The following CIZ1 variants were observed in gnomAD, a reference collection of about 807,000 sequenced individuals.
CIZ1 encodes CDKN1A interacting zinc finger protein 1.
Under a neutral mutation model 118.6 loss-of-function variants are expected in CIZ1, and 58 were observed. That is an observed-to-expected ratio of 0.49 (90% CI 0.40 to 0.61). The LOEUF is 0.61. CIZ1 is among the 20% of genes least tolerant of loss of function. The pLI, the probability that CIZ1 is intolerant of heterozygous loss-of-function variation, is 0.00. For missense variants in CIZ1, 921 were observed against 1,115.9 expected (o/e 0.83, Z 2.49); for synonymous variants, 448 against 443.4 (o/e 1.01, Z -0.13).
Position 128,178,035 on chromosome 9 carries a change from C to T in CIZ1, c.1621-272G>A, listed in dbSNP as rs577184545. 5.9e-5 allele frequency among the ~76,000 whole-genome samples: 9 copies of T among 152,270 alleles called. No individual in the cohort carries two copies. The South Asian group carries it at 6.2e-4, about 11-fold the overall frequency. ...GAGGGAAAGGGTTTGCCCACAGTTA[C>T]GCAGAGCTGGGACCCAAATCCCACA... On this transcript the variant is annotated intron_variant, in intron 9 of 16. Transcript: ENST00000372938.
rs1245713848 is a variant in CIZ1 at position 128,203,455 on chromosome 9, G to A, written c.-6+731C>T. 4 of 1,465,996 alleles carry A rather than the reference G, an allele frequency of 2.7e-6. No homozygotes were observed. Among genetic ancestry groups the A allele is most frequent in the Middle Eastern group, 1.9e-4 (1 of 5,280 alleles). The allele number at this position is 1,465,996 out of a possible 1,614,324, so 90.8% of individuals were successfully genotyped here. A position where few individuals can be genotyped will look rare whatever the true frequency, so the allele number is the denominator to read the frequency against. On this transcript the variant is annotated intron_variant, in intron 1 of 17. Coordinates refer to the CIZ1 transcript ENST00000372948. The surrounding 1 kb of genome is among the most constrained non-coding windows in gnomAD (Gnocchi z 5.3). ...TAGCGGCAGCCGGATCGCAGCCTGC[G>A]GGGCCCGCCGCAGCCATGGGCAACC... is the stretch of plus-strand genomic sequence containing the variant.
Position 128,203,300 on chromosome 9 carries a change from C to T in CIZ1, c.-6+886G>A, listed in dbSNP as rs1171032712. 5 of 402,038 alleles carry T rather than the reference C, an allele frequency of 1.2e-5. No individual in the cohort carries two copies. The highest frequency in any genetic ancestry group is 8.6e-5 in the African/African-American group (4 of 46,630). 24.9% of individuals were successfully genotyped at this position (402,038 alleles called of 1,614,324 possible). On this transcript the variant is annotated intron_variant, in intron 1 of 17. Coordinates refer to the CIZ1 transcript ENST00000372948. This position sits in a 1 kb window ranked among gnomAD's most constrained non-coding sequence, Gnocchi z 5.3. ...CCTGCGCACGGCGGCCGGCCCGCAG[C>T]GCCGCGGGCTCCCCCTAGCGGCGTC...
intron 9 of CIZ1, 148 bp from the exon 10 acceptor site, chr9:128,177,911 T>C: frequency 3.2e-6 from 2 of 619,102 alleles, no homozygotes; most frequent in Non-Finnish European, 5.4e-6. Flanking sequence ...TACCCCAGCT[T>C]GCACAGCTAG....
intron 13 of CIZ1, 54 bp from the exon 14 acceptor site, chr9:128,169,255 A>G: frequency 1.3e-6 from 2 of 1,561,378 alleles, no homozygotes; most frequent in Middle Eastern, 1.7e-4. Flanking sequence ...CCAGGGGGCC[A>G]TGCCCTACCC....
chr9:128,182,612 T>C (rs1201820183), intron 5 of CIZ1, among the ~76,000 whole-genome samples: 1 of 152,102 alleles, frequency 6.6e-6, no homozygotes, highest in African/African-American at 2.4e-5. Context: ...GCCCCGGCCA[T>C]GCCCCCGCAA....
chr9:128,201,975 G>A (rs1049710071), intron 1 of CIZ1, among the ~76,000 whole-genome samples: 2 of 152,030 alleles, frequency 1.3e-5, no homozygotes, highest in African/African-American at 4.8e-5. Flanking sequence ...ACCCTACCCC[G>A]CCCCTGCTTT....
chr9:128,186,165 C>A (rs769944187), intron 4 of CIZ1, among the ~76,000 whole-genome samples: 1 of 152,092 alleles, frequency 6.6e-6, no homozygotes, highest in Non-Finnish European at 1.5e-5. Context: ...CTACCAGCTA[C>A]CCTTTATCAG....
rs556916520 is a variant in CIZ1, at chr9:128,174,085, T to C, written c.1943+2266A>G. Reference sequence around the variant, plus strand: ...AGGGCTTAGTTCACAGCACCTGCCCTGGGGGCTTTGAGGAGGGAGGAGACG... The same window carrying C: ...AGGGCTTAGTTCACAGCACCTGCCCCGGGGGCTTTGAGGAGGGAGGAGACG... On this transcript the variant is annotated intron_variant, in intron 11 of 16. Coordinates refer to ENST00000372938, the MANE Select transcript of CIZ1 (RefSeq NM_001131016.2). Among the ~76,000 whole-genome samples the C allele has an allele frequency of 9.3e-4, 140 of 151,012 alleles. 1 individual carries two copies. The Middle Eastern group carries it at 0.011, about 11-fold the overall frequency.
chr9:128,170,733 T>C (rs1665786220), intron 11 of CIZ1, among the ~76,000 whole-genome samples: 1 of 152,248 alleles, frequency 6.6e-6, no homozygotes, highest in Non-Finnish European at 1.5e-5. Flanking sequence ...GAACAATTTG[T>C]TGTCTACTTG....
chr9:128,201,886 G>C (rs1045880888), intron 1 of CIZ1, among the ~76,000 whole-genome samples: 1 of 152,190 alleles, frequency 6.6e-6, no homozygotes, highest in East Asian at 1.9e-4. Context: ...GAGAGGGCCT[G>C]CTTGTTCCCC....
At position 128,174,020 on chromosome 9, in the gene CIZ1, A is replaced by C. The variant is rs13286886; in HGVS notation, c.1943+2331T>G. ...GACTCCATCTCAAAAACAAAACAAA[A>C]AAACAAAAAAAAAAAACAAAGAAAT... On this transcript the variant is annotated intron_variant, in intron 11 of 16. Transcript: ENST00000372938. Among the ~76,000 whole-genome samples, 117 of 78,464 alleles carry C rather than the reference A, an allele frequency of 1.5e-3. 1 individual carries two copies. In the South Asian group the frequency reaches 0.032, roughly 22 times the overall value. 51.5% of individuals were successfully genotyped at this position (78,464 alleles called of 152,430 possible).
At chr9:128,191,598 G>C, upstream of CIZ1, 1 of 1,182,222 alleles carries the variant, frequency 8.5e-7, no homozygotes, top group Non-Finnish European at 1.0e-6. The surrounding 1 kb of genome is among the most constrained non-coding windows in gnomAD (Gnocchi z 5.5). Context: ...GGGCCGGCCG[G>C]GGCAGCGCCC....
intron 1 of CIZ1, chr9:128,198,024 A>G (rs1040109325): frequency 5.9e-5 from 9 of 152,274 alleles, no homozygotes; most frequent in Non-Finnish European, 8.8e-5. Context: ...CCATGGCACA[A>G]TCAGCACACA....
chr9:128,176,342 C>T lies in CIZ1; in HGVS notation c.1943+9G>A, dbSNP rs965728544. ...CCCCAACACAGAGCTTCCACGATCC[C>T]CCACTCACTCATCCTCTGTCTCCAG... is the stretch of plus-strand genomic sequence containing the variant. On this transcript the variant is annotated intron_variant, in intron 11 of 16. Transcript: ENST00000372938. The T allele has an allele frequency of 6.2e-7, 1 of 1,613,442 alleles. No homozygotes were observed. Among genetic ancestry groups the T allele is most frequent in the Non-Finnish European group, 8.5e-7 (1 of 1,179,660 alleles).
At chr9:128,173,207 C>T (rs540555914) in intron 11 of CIZ1, among the ~76,000 whole-genome samples, 77 of 144,722 alleles carry the variant, frequency 5.3e-4, no homozygotes, top group African/African-American at 1.9e-3. Context: ...TGCAGTGGCG[C>T]GATCTTGGCT....
At chr9:128,183,049 G>A (rs373448250) in intron 5 of CIZ1, among the ~76,000 whole-genome samples, 6 of 152,182 alleles carry the variant, frequency 3.9e-5, no homozygotes, top group African/African-American at 1.2e-4. Context: ...GGAGTCCCCT[G>A]CAGGGGCTTC....
At chr9:128,178,296 G>A in intron 9 of CIZ1, 73 bp downstream of exon 9, 2 of 1,519,144 alleles carry the variant, frequency 1.3e-6, no homozygotes, top group East Asian at 2.3e-5. Flanking sequence ...GAGGTGGCCT[G>A]GGGCAGAAAG....
intron 4 of CIZ1, among the ~76,000 whole-genome samples, chr9:128,187,183 C>T (rs1166925856): frequency 2.0e-5 from 3 of 152,152 alleles, no homozygotes; most frequent in African/African-American, 2.4e-5. Flanking sequence ...CAGGGTGATC[C>T]GCCCACCTTG....
rs45525438 is a variant in CIZ1, at chr9:128,186,462, C to T, written c.359-686G>A. On this transcript the variant is annotated intron_variant, in intron 4 of 16. Coordinates refer to ENST00000372938, the MANE Select transcript of CIZ1 (RefSeq NM_001131016.2). The stretch of plus-strand genomic sequence containing the variant: ...ATGCCTCTTCCCAATCTGACTTTCC[C>T]GCTCCATCCCCACTCCCACTCCCTG... Among the ~76,000 whole-genome samples, 401 of 152,228 alleles carry T rather than the reference C, an allele frequency of 2.6e-3. 2 individuals carry two copies. Among genetic ancestry groups the T allele is most frequent in the African/African-American group, 9.0e-3 (374 of 41,536 alleles).
Sources: gnomAD v4.1 joint callset for allele counts (sites outside exome capture counted in the v4.1 genomes callset) on GRCh38, gnomAD v4.1.1 for gene constraint, Gnocchi (gnomAD v3.1) non-coding constraint, MANE v1.5 for transcripts, NCBI Gene and HGNC (gene_info 2026-07-23, HGNC 2026-07-21) for gene names.